Variants in NUP160 observed in about 807,000 individuals in gnomAD.
NUP160 encodes nuclear pore complex protein Nup160.
A neutral mutation model predicts 196.9 loss-of-function variants in NUP160; 94 were observed. That is an observed-to-expected ratio of 0.48 (90% CI 0.40 to 0.57). The LOEUF is 0.57. Among genes scored for constraint, NUP160 ranks in the 20% least tolerant of loss-of-function variants. The pLI, the probability that NUP160 is intolerant of heterozygous loss-of-function variation, is 0.00. For synonymous variants in NUP160, 605 were observed against 619.7 expected (o/e 0.98, Z 0.35); for missense variants, 1,638 against 1,748.3 (o/e 0.94, Z 1.13).
intron 30 of NUP160, 98 bp from the exon 31 acceptor site, chr11:47,788,403 A>G: frequency 6.4e-7 from 1 of 1,559,766 alleles, no homozygotes; most frequent in Non-Finnish European, 8.8e-7. Context: ...GTAATAACCC[A>G]GGCTTTATAC....
chr11:47,798,378 C>T lies in NUP160; in HGVS notation c.2981G>A (p.Trp994Ter). The change falls in exon 24 of 36, where the codon TGG becomes TAG. Residue 994 changes from tryptophan (W) to a stop codon, truncating the protein, a stop_gained. Transcript: ENST00000378460. LOFTEE classifies it high-confidence loss of function. ...GCAGCCAATTCTTACCTGACTTTTCCAGTCATCACCTGCTTCAGTTATGGC... is the reference window on the plus strand; with the variant it reads ...GCAGCCAATTCTTACCTGACTTTTCTAGTCATCACCTGCTTCAGTTATGGC... 1 of 1,607,392 alleles carries T rather than the reference C, an allele frequency of 6.2e-7. No individual in the cohort carries two copies. Among genetic ancestry groups the T allele is most frequent in the Non-Finnish European group, 8.5e-7 (1 of 1,174,420 alleles).
At chr11:47,797,987 C>T (rs756149754) in exon 26 of NUP160, 1 of 1,573,942 alleles carries the variant, frequency 6.4e-7, no homozygotes. Flanking sequence ...CCTCATTATG[C>T]AGATTCACAT....
At chr11:47,803,938 C>T (rs1043952085) in intron 21 of NUP160, among the ~76,000 whole-genome samples, 1 of 152,068 alleles carries the variant, frequency 6.6e-6, no homozygotes. Flanking sequence ...GTAATCCCAG[C>T]ACTCTGGGGA....
chr11:47,781,097 G>C (rs190943656), intron 34 of NUP160, among the ~76,000 whole-genome samples: 371 of 151,950 alleles, frequency 2.4e-3, no homozygotes, highest in Middle Eastern at 0.014. Context: ...TGGTGGCACA[G>C]ATGTAGTCCC....
At chr11:47,791,898 AG>A (rs751805158) in intron 29 of NUP160, 31 bp downstream of exon 29, 1 of 1,452,342 alleles carries the variant, frequency 6.9e-7, no homozygotes, top group Non-Finnish European at 9.6e-7. Flanking sequence ...ACTACTGTCT[AG>A]CAAAGAACCA....
chr11:47,829,596 C>T (rs545895157), intron 7 of NUP160, among the ~76,000 whole-genome samples: 28 of 152,236 alleles, frequency 1.8e-4, no homozygotes, highest in Middle Eastern at 3.4e-3. Flanking sequence ...CATGAGCCAC[C>T]GCACTGGCCT....
rs2097674258 is a variant in NUP160 at position 47,801,662 on chromosome 11, T to C, written c.2895+149A>G. ...ACCGTGCCCGGCCATGTTTCTTTAA[T>C]TTCTCTAGGCAAATTCATTTTTTTT... On this transcript the variant is annotated intron_variant, in intron 23 of 35. Coordinates refer to ENST00000378460, the Ensembl canonical transcript of NUP160. 3.9e-6 allele frequency: 3 copies of C among 759,664 alleles called. No homozygotes were observed. In the Admixed American group the frequency reaches 9.3e-5, roughly 24 times the overall value. 47.1% of individuals were successfully genotyped at this position (759,664 alleles called of 1,614,324 possible).
intron 17 of NUP160, 118 bp downstream of exon 17, chr11:47,811,946 A>G (rs749666435): frequency 2.2e-5 from 18 of 801,700 alleles, no homozygotes; most frequent in Non-Finnish European, 3.4e-5. Flanking sequence ...TTGGGAGAAT[A>G]AAGCAGTGAA....
At chr11:47,785,043 C>A (rs186108278) in exon 33 of NUP160, 18 of 1,577,634 alleles carry the variant, frequency 1.1e-5, no homozygotes, top group Non-Finnish European at 1.5e-5. Context: ...GGATAATAGT[C>A]GCCATGCTTC....
At chr11:47,804,306 C>G (rs1350867672) in intron 21 of NUP160, 1 of 403,912 alleles carries the variant, frequency 2.5e-6, no homozygotes, top group South Asian at 6.6e-5. Flanking sequence ...CCTTTAGAAC[C>G]AGGTATTCTC....
At chr11:47,829,247 T>C (rs1470372576) in intron 7 of NUP160, among the ~76,000 whole-genome samples, 1 of 152,190 alleles carries the variant, frequency 6.6e-6, no homozygotes, top group Non-Finnish European at 1.5e-5. Context: ...TATATAATGA[T>C]GCTTTGGTAT....
intron 12 of NUP160, 118 bp from the exon 13 acceptor site, chr11:47,815,767 C>A (rs556093706): frequency 8.3e-6 from 8 of 966,438 alleles, no homozygotes; most frequent in Non-Finnish European, 1.2e-5. Flanking sequence ...ATATTCCTTA[C>A]GTATTAAAGG....
At chr11:47,833,901 C>T (rs1027417331) in intron 7 of NUP160, among the ~76,000 whole-genome samples, 11 of 152,338 alleles carry the variant, frequency 7.2e-5, no homozygotes, top group South Asian at 2.1e-4. Context: ...GACTCTTAGA[C>T]GATTGTGTCT....
At chr11:47,788,216 G>A in exon 31 of NUP160, 1 of 1,613,926 alleles carries the variant, frequency 6.2e-7, no homozygotes, top group Non-Finnish European at 8.5e-7. Flanking sequence ...GGCGTTAAGG[G>A]AAGCTTAAAA....
At chr11:47,788,205 T>A in exon 31 of NUP160, 1 of 1,613,698 alleles carries the variant, frequency 6.2e-7, no homozygotes, top group South Asian at 1.1e-5. Flanking sequence ...CTTCAAAGAC[T>A]GGCGTTAAGG....
intron 7 of NUP160, chr11:47,827,116 C>T: frequency 2.2e-6 from 1 of 456,100 alleles, no homozygotes; most frequent in Non-Finnish European, 4.4e-6. Flanking sequence ...CTTGTAATCC[C>T]AGCACATTGG....
intron 2 of NUP160, among the ~76,000 whole-genome samples, chr11:47,846,766 T>G (rs191553206): frequency 1.3e-5 from 2 of 152,274 alleles, no homozygotes; most frequent in Admixed American, 1.3e-4. Flanking sequence ...TTAAAAAAAT[T>G]TAGATTCAGG....
At chr11:47,792,721 C>T in intron 28 of NUP160, 65 bp downstream of exon 28, 1 of 1,407,118 alleles carries the variant, frequency 7.1e-7, no homozygotes, top group Non-Finnish European at 9.5e-7. Context: ...TTGAAAGGAC[C>T]AAAACAAGTA....
chr11:47,810,121 A>AG (rs2097680274), intron 17 of NUP160, among the ~76,000 whole-genome samples: 2 of 152,178 alleles, frequency 1.3e-5, no homozygotes, highest in Non-Finnish European at 2.9e-5. Context: ...AACTTAGTAA[A>AG]GGCTAACCAA....
Sources: allele counts gnomAD v4.1 joint callset (sites outside exome capture counted in the v4.1 genomes callset), GRCh38; gene constraint gnomAD v4.1.1; transcripts MANE v1.5; gene names NCBI Gene and HGNC (gene_info 2026-07-23, HGNC 2026-07-21).